GNA14: variants seen among roughly 807,000 people sequenced by gnomAD.
GNA14 encodes guanine nucleotide-binding protein subunit alpha-14.
In GNA14, 50 loss-of-function variants were observed where a neutral mutation model predicts 42.0. The observed-to-expected ratio is 1.19, with a 90% CI of 0.95 to 1.51. The LOEUF is 1.51. GNA14 is among the 40% of genes most tolerant of loss of function. The pLI is 0.00. For synonymous variants in GNA14, 173 were observed against 163.1 expected (o/e 1.06, Z -0.46); for missense variants, 473 against 446.2 (o/e 1.06, Z -0.54).
intron 1 of GNA14, among the ~76,000 whole-genome samples, chr9:77,572,907 A>G (rs544443306): frequency 1.3e-5 from 2 of 152,324 alleles, no homozygotes; most frequent in Admixed American, 1.3e-4. Context: ...TTACAGGTAG[A>G]TAGCACAGGT....
Position 77,425,570 on chromosome 9 carries a change from T to C in GNA14, c.869A>G (p.Glu290Gly). 1 of 1,603,722 alleles carries C rather than the reference T, an allele frequency of 6.2e-7. No individual in the cohort carries two copies. The highest frequency in any genetic ancestry group is 8.5e-7 in the Non-Finnish European group (1 of 1,173,806). The part of the protein sequence containing the change: ...MYSHLISYFP[E>G]YTGPKQDVRA... ...ACAAGATAGACACTTACCTGTGTATTCTGGGAAATAGCTAATTAGATGAGA... is the reference window on the plus strand; with the variant it reads ...ACAAGATAGACACTTACCTGTGTATCCTGGGAAATAGCTAATTAGATGAGA... The change falls in exon 6 of 7, where the codon GAA becomes GGA. Residue 290 changes from glutamate to glycine, a missense_variant. By Grantham distance (98) the Glu-to-Gly change is moderately conservative. Coordinates refer to ENST00000341700, the MANE Select transcript of GNA14 (RefSeq NM_004297.4).
rs777346070 is a variant in GNA14, at chr9:77,434,351, G to T, written c.464+17C>A. 6.3e-7 allele frequency: 1 copy of T among 1,599,544 alleles called. No homozygotes were observed. Among genetic ancestry groups the T allele is most frequent in the Non-Finnish European group, 8.5e-7 (1 of 1,173,594 alleles). ...CCTGAAAGCACCGCGGGCGGCCAGG[G>T]TGGGCTCTGTACTCACTATTTGGCA... On this transcript the variant is annotated intron_variant, in intron 3 of 6. Transcript: ENST00000341700.
intron 2 of GNA14, among the ~76,000 whole-genome samples, chr9:77,453,770 A>G (rs1320111804): frequency 6.6e-6 from 1 of 152,228 alleles, no homozygotes; most frequent in Non-Finnish European, 1.5e-5. Context: ...AAATACAGCA[A>G]CATGGAGTGG....
intron 1 of GNA14, among the ~76,000 whole-genome samples, chr9:77,620,160 A>G (rs1245100822): frequency 6.6e-6 from 1 of 152,182 alleles, no homozygotes; most frequent in Non-Finnish European, 1.5e-5. Context: ...TAAGCTTTCC[A>G]CTATTGTTGA....
intron 2 of GNA14, among the ~76,000 whole-genome samples, chr9:77,526,160 G>A (rs1392429131): frequency 6.7e-6 from 1 of 150,050 alleles, no homozygotes; most frequent in Non-Finnish European, 1.5e-5. Context: ...ATGGCTGCCT[G>A]CCTCGGCCTC....
intron 2 of GNA14, among the ~76,000 whole-genome samples, chr9:77,493,026 AATATAT>A (rs1172872010): frequency 3.9e-5 from 2 of 51,720 alleles, no homozygotes; most frequent in African/African-American, 1.1e-4. Context: ...AAAAAAAAAA[AATATAT>A]ATATATATAT....
At chr9:77,446,881 A>T (rs1367646440) in intron 2 of GNA14, among the ~76,000 whole-genome samples, 2 of 152,220 alleles carry the variant, frequency 1.3e-5, no homozygotes, top group Non-Finnish European at 2.9e-5. Flanking sequence ...GGCTAGCTTA[A>T]AGAAATCCAT....
chr9:77,575,802 T>C lies in GNA14; in HGVS notation c.125-46549A>G, dbSNP rs140792831. 8.3e-4 allele frequency among the ~76,000 whole-genome samples: 127 copies of C among 152,344 alleles called. 1 individual carries two copies. The highest frequency in any genetic ancestry group is 6.8e-3 in the Middle Eastern group (2 of 294). ...ACCCACCTCAGATATTCTGATTTAA[T>C]TGATTGAGTTGTCGGGGGCTGAACT... On this transcript the variant is annotated intron_variant, in intron 1 of 6. Coordinates refer to ENST00000341700, the MANE Select transcript of GNA14 (RefSeq NM_004297.4).
chr9:77,428,800 CTGTT>C (rs1394796791), intron 5 of GNA14, 103 bp downstream of exon 5: 10 of 1,093,426 alleles, frequency 9.1e-6, no homozygotes, highest in African/African-American at 3.1e-5. Flanking sequence ...AGTAGCAAGA[CTGTT>C]TGACCTAATG....
intron 2 of GNA14, among the ~76,000 whole-genome samples, chr9:77,462,667 G>T (rs1326066457): frequency 7.0e-6 from 1 of 143,338 alleles, no homozygotes; most frequent in Non-Finnish European, 1.5e-5. Flanking sequence ...GTTGCAGTGA[G>T]CTGAGACAGA....
At chr9:77,505,592 G>T (rs1837055753) in intron 2 of GNA14, among the ~76,000 whole-genome samples, 1 of 152,202 alleles carries the variant, frequency 6.6e-6, no homozygotes, top group Non-Finnish European at 1.5e-5. Context: ...GTGAATGAAT[G>T]AACGAACTAA....
In GNA14 at chr9:77,425,724, AAAAC is replaced by A; in HGVS notation, c.724-13_724-10del. On this transcript the variant is annotated splice_polypyrimidine_tract_variant and intron_variant, in intron 5 of 6. Transcript: ENST00000341700. ...CTCTCTTCCATGCGATTCTAAGTGA[AAAAC>A]AAGGGACTTGGGATGAAGTAGAAAG... 1 of 1,582,254 alleles carries A rather than the reference AAAAC, an allele frequency of 6.3e-7. No individual in the cohort carries two copies. Among genetic ancestry groups the A allele is most frequent in the East Asian group, 2.3e-5 (1 of 44,298 alleles).
intron 1 of GNA14, among the ~76,000 whole-genome samples, chr9:77,640,254 G>A (rs1405960897): frequency 6.6e-6 from 1 of 152,168 alleles, no homozygotes; most frequent in African/African-American, 2.4e-5. Context: ...TCCATGAGAT[G>A]CCCTGGTGAC....
chr9:77,442,801 CCAAAATAAT>C (rs1293435259), intron 2 of GNA14, among the ~76,000 whole-genome samples: 1 of 152,066 alleles, frequency 6.6e-6, no homozygotes, highest in Non-Finnish European at 1.5e-5. Flanking sequence ...AGGGCACCAC[CCAAAATAAT>C]CAAGCATAAG....
intron 2 of GNA14, among the ~76,000 whole-genome samples, chr9:77,501,237 G>T (rs1323437493): frequency 6.6e-6 from 1 of 152,148 alleles, no homozygotes; most frequent in African/African-American, 2.4e-5. Flanking sequence ...TTACAGGTGT[G>T]AGCCACCACG....
intron 2 of GNA14, among the ~76,000 whole-genome samples, chr9:77,493,323 G>C (rs1455473653): frequency 1.3e-5 from 2 of 151,898 alleles, no homozygotes; most frequent in Admixed American, 1.3e-4. Flanking sequence ...AATGTCAAAG[G>C]CTTTAGGTGC....
At chr9:77,554,857 C>T (rs1466026734) in intron 1 of GNA14, among the ~76,000 whole-genome samples, 2 of 152,144 alleles carry the variant, frequency 1.3e-5, no homozygotes, top group Admixed American at 1.3e-4. Context: ...GTTTTTGTGG[C>T]TGAGTTTTCT....
intron 2 of GNA14, among the ~76,000 whole-genome samples, chr9:77,482,414 T>C (rs1043403176): frequency 2.6e-5 from 4 of 152,326 alleles, no homozygotes; most frequent in African/African-American, 9.6e-5. Context: ...AGAGTTTCTG[T>C]CGAGAGATCT....
At chr9:77,635,012 T>G (rs752837667) in intron 1 of GNA14, among the ~76,000 whole-genome samples, 38 of 152,184 alleles carry the variant, frequency 2.5e-4, no homozygotes, top group Non-Finnish European at 4.4e-4. Context: ...GTTTGGTCAC[T>G]ATTATTATTT....
Sources: gnomAD v4.1 joint callset for allele counts (sites outside exome capture counted in the v4.1 genomes callset) on GRCh38, gnomAD v4.1.1 for gene constraint, MANE v1.5 for transcripts, NCBI Gene and HGNC (gene_info 2026-07-23, HGNC 2026-07-21) for gene names.